Variants in DYSF observed in about 807,000 individuals in gnomAD.
DYSF encodes the protein dystrophy-associated fer-1-like 1.
A neutral mutation model predicts 274.9 loss-of-function variants in DYSF; 212 were observed. That is an observed-to-expected ratio of 0.77 (90% CI 0.69 to 0.86). The LOEUF (loss-of-function observed/expected upper bound fraction) is 0.86. Ranked by LOEUF, DYSF falls within the 40% of genes least tolerant of loss-of-function variation. The pLI, the probability that DYSF is intolerant of heterozygous loss-of-function variation, is 0.00. For synonymous variants in DYSF, 1,091 were observed against 1,078.7 expected (o/e 1.01, Z -0.22); for missense variants, 2,666 against 2,783.2 (o/e 0.96, Z 0.95).
chr2:71,675,607 G>A (rs2095207855), intron 52 of DYSF, among the ~76,000 whole-genome samples: 1 of 152,158 alleles, frequency 6.6e-6, no homozygotes, highest in Middle Eastern at 3.2e-3. Flanking sequence ...TGTTATAAAA[G>A]CATCAGGTGC....
At chr2:71,471,239 T>A (rs1180706543) in intron 1 of DYSF, among the ~76,000 whole-genome samples, 3 of 152,274 alleles carry the variant, frequency 2.0e-5, no homozygotes, top group East Asian at 3.9e-4. Flanking sequence ...CCTCCAAGAT[T>A]TTTTTTCTTA....
intron 32 of DYSF, among the ~76,000 whole-genome samples, chr2:71,591,462 A>G (rs187922989): frequency 4.0e-4 from 61 of 152,334 alleles, no homozygotes; most frequent in African/African-American, 1.4e-3. Context: ...AAGAACAAAC[A>G]CTTGCTGAGT....
intron 31 of DYSF, among the ~76,000 whole-genome samples, chr2:71,589,913 C>T (rs2152842896): frequency 6.6e-6 from 1 of 152,234 alleles, no homozygotes; most frequent in African/African-American, 2.4e-5. Context: ...TGAGATCAGG[C>T]ATTTAAGGCC....
At position 71,629,427 on chromosome 2, in the gene DYSF, T is replaced by C. The variant is rs530724957; in HGVS notation, c.4527+8818T>C. 4.6e-5 allele frequency among the ~76,000 whole-genome samples: 7 copies of C among 152,326 alleles called. No individual in the cohort carries two copies. In the East Asian group the frequency reaches 1.4e-3, roughly 29 times the overall value. ...TGACTTCTGTTGTCTGATTCTGCAA[T>C]TGGTTGGCTCTAGCTGGCTCTTGCT... On this transcript the variant is annotated intron_variant, in intron 41 of 55. Transcript: ENST00000410020.
intron 42 of DYSF, among the ~76,000 whole-genome samples, chr2:71,653,321 A>G (rs978056662): frequency 6.6e-6 from 1 of 152,186 alleles, no homozygotes; most frequent in Admixed American, 6.5e-5. Context: ...TATATACCCA[A>G]AGGATTATAA....
At position 71,669,732 on chromosome 2, in the gene DYSF, A is replaced by G. The variant is rs2095085531; in HGVS notation, c.5770A>G (p.Thr1924Ala). Residue 1924 changes from threonine (T) to alanine (A), a missense_variant, in exon 51 of 56, where the codon ACC (threonine) becomes GCC (alanine). Physicochemically the swap from Thr to Ala is moderately conservative, Grantham distance 58. Transcript: ENST00000410020. ...FDYLPAEQVCTIAKKDAFWRL... is the reference protein window; with the variant it reads ...FDYLPAEQVCAIAKKDAFWRL... Reference sequence around the variant, plus strand: ...CTACCTGCCAGCTGAGCAAGTCTGTACCATTGCCAAGAAGGTCAGTGTCCT... The same window carrying G: ...CTACCTGCCAGCTGAGCAAGTCTGTGCCATTGCCAAGAAGGTCAGTGTCCT... 2 of 1,614,074 alleles carry G rather than the reference A, an allele frequency of 1.2e-6. No homozygotes were observed. Among genetic ancestry groups the G allele is most frequent in the African/African-American group, 1.3e-5 (1 of 74,918 alleles).
intron 22 of DYSF, among the ~76,000 whole-genome samples, chr2:71,557,279 G>A (rs900362709): frequency 2.0e-5 from 3 of 152,274 alleles, no homozygotes; most frequent in African/African-American, 7.2e-5. Flanking sequence ...ATTCAGGGAA[G>A]CTTCCTGGAG....
At chr2:71,659,483 G>A (rs1054156652) in intron 44 of DYSF, among the ~76,000 whole-genome samples, 7 of 152,162 alleles carry the variant, frequency 4.6e-5, no homozygotes, top group South Asian at 2.1e-4. Flanking sequence ...AAGGAGCAGC[G>A]TTAGTGACTG....
chr2:71,492,438 G>C (rs2083935386), intron 3 of DYSF, among the ~76,000 whole-genome samples: 1 of 152,212 alleles, frequency 6.6e-6, no homozygotes, highest in Non-Finnish European at 1.5e-5. Context: ...TAACCAGGGG[G>C]AGATACAGTG....
intron 3 of DYSF, among the ~76,000 whole-genome samples, chr2:71,482,754 A>G (rs1001156671): frequency 6.6e-6 from 1 of 152,148 alleles, no homozygotes; most frequent in African/African-American, 2.4e-5. Flanking sequence ...AGCCTTAAGC[A>G]TCAGAGTGGG....
intron 21 of DYSF, among the ~76,000 whole-genome samples, chr2:71,554,159 G>A (rs1412291078): frequency 6.6e-6 from 1 of 152,216 alleles, no homozygotes; most frequent in Non-Finnish European, 1.5e-5. Context: ...GGCAGCCCCA[G>A]TGTGCAGTGG....
chr2:71,552,995 T>C lies in DYSF; in HGVS notation c.1807-16T>C. ...TTGCTCCTCCCGTGACCCTCTGGTC[T>C]ACTCTCTGCTCTCAGAAGTACCTTA... On this transcript the variant is annotated splice_polypyrimidine_tract_variant and intron_variant, in intron 19 of 55. Coordinates refer to ENST00000410020, the MANE Select transcript of DYSF (RefSeq NM_001130987.2). 1 of 1,614,132 alleles carries C rather than the reference T, an allele frequency of 6.2e-7. No individual in the cohort carries two copies. Among genetic ancestry groups the C allele is most frequent in the South Asian group, 1.1e-5 (1 of 91,076 alleles).
chr2:71,670,266 T>A (rs765338848), intron 51 of DYSF, among the ~76,000 whole-genome samples: 8 of 152,116 alleles, frequency 5.3e-5, no homozygotes, highest in Non-Finnish European at 8.8e-5. Context: ...ACTGCCTCCC[T>A]CCCTACCTCA....
At chr2:71,603,667 G>A (rs574780615) in intron 36 of DYSF, among the ~76,000 whole-genome samples, 5 of 152,254 alleles carry the variant, frequency 3.3e-5, no homozygotes, top group Admixed American at 1.3e-4. Flanking sequence ...AAGTGAGCTC[G>A]CTGTAATTGC....
Position 71,547,965 on chromosome 2 carries a change from T to C in DYSF, c.1577-3076T>C, listed in dbSNP as rs1000106253. Among the ~76,000 whole-genome samples the C allele has an allele frequency of 7.2e-4, 109 of 152,244 alleles. 3 individuals are homozygous for C. Among genetic ancestry groups the C allele is most frequent in the Non-Finnish European group, 1.5e-4 (10 of 68,042 alleles). The stretch of plus-strand genomic sequence containing the variant: ...TTTAGAAGGAGCTTAAAATGTGATC[T>C]GTTTGCTTCCGGTGGTCCCTGGCCA... On this transcript the variant is annotated intron_variant, in intron 17 of 55. Coordinates refer to ENST00000410020, the MANE Select transcript of DYSF (RefSeq NM_001130987.2).
intron 14 of DYSF, among the ~76,000 whole-genome samples, chr2:71,532,844 C>CTATT (rs2088898968): frequency 7.0e-6 from 1 of 143,376 alleles, no homozygotes; most frequent in African/African-American, 2.5e-5. Flanking sequence ...ATCTATCTAT[C>CTATT]TATCTATCTA....
chr2:71,534,921 C>T, intron 14 of DYSF, 100 bp from the exon 15 acceptor site: 3 of 1,313,164 alleles, frequency 2.3e-6, no homozygotes, highest in Non-Finnish European at 3.3e-6. Context: ...CTAAGGGCAG[C>T]CAGCATGGCA....
At chr2:71,581,057 G>A (rs2152832278) in intron 30 of DYSF, among the ~76,000 whole-genome samples, 1 of 152,286 alleles carries the variant, frequency 6.6e-6, no homozygotes, top group East Asian at 1.9e-4. Context: ...TAATCACACT[G>A]GAAAAGCAGG....
intron 51 of DYSF, among the ~76,000 whole-genome samples, chr2:71,671,095 C>T (rs1022850665): frequency 6.6e-6 from 1 of 152,178 alleles, no homozygotes; most frequent in East Asian, 1.9e-4. Flanking sequence ...CCCTTCCCAG[C>T]CTAACATGCA....
Sources: gnomAD v4.1 joint callset for allele counts (sites outside exome capture counted in the v4.1 genomes callset) on GRCh38, gnomAD v4.1.1 for gene constraint, MANE v1.5 for transcripts, NCBI Gene and HGNC (gene_info 2026-07-23, HGNC 2026-07-21) for gene names.